KCNH8: variants seen among roughly 807,000 people sequenced by gnomAD.
KCNH8 encodes the protein voltage-gated delayed rectifier potassium channel KCNH8.
Under a neutral mutation model 103.6 loss-of-function variants are expected in KCNH8, and 70 were observed. The ratio of observed to expected loss-of-function variants is 0.68; its 90% CI spans 0.56 to 0.82. The LOEUF (loss-of-function observed/expected upper bound fraction) is 0.82. Ranked by LOEUF, KCNH8 falls within the 40% of genes least tolerant of loss-of-function variation. The probability of loss-of-function intolerance (pLI) is 0.00; values close to 1 mark genes in which losing one functional copy is unlikely to be tolerated. For missense variants in KCNH8, 1,217 were observed against 1,329.9 expected, an observed-to-expected ratio of 0.92 and a Z score of 1.32; for synonymous variants, 498 against 489.4, an observed-to-expected ratio of 1.02 and a Z score of -0.23.
chr3:19,213,747 T>G (rs1383732937), intron 1 of KCNH8, among the ~76,000 whole-genome samples: 2 of 152,204 alleles, frequency 1.3e-5, no homozygotes, highest in African/African-American at 4.8e-5. Context: ...GAGAGCATAA[T>G]GTTAATCGTT....
intron 8 of KCNH8, among the ~76,000 whole-genome samples, chr3:19,439,843 G>A (rs2067255040): frequency 1.3e-5 from 2 of 151,894 alleles, no homozygotes; most frequent in Admixed American, 6.6e-5. Flanking sequence ...GAGAAAAAAG[G>A]GAATAGATAT....
chr3:19,526,694 T>C (rs2069070831), intron 15 of KCNH8, among the ~76,000 whole-genome samples: 1 of 151,976 alleles, frequency 6.6e-6, no homozygotes, highest in Non-Finnish European at 1.5e-5. Context: ...AAAGCTCCCA[T>C]TTTGAAGTGC....
At chr3:19,190,296 C>G (rs149981301) in intron 1 of KCNH8, among the ~76,000 whole-genome samples, 1 of 151,974 alleles carries the variant, frequency 6.6e-6, no homozygotes, top group East Asian at 1.9e-4. Flanking sequence ...TTCTTGATAA[C>G]AAATCAGCTT....
At chr3:19,277,828 C>T (rs1336355342) in intron 2 of KCNH8, among the ~76,000 whole-genome samples, 2 of 152,116 alleles carry the variant, frequency 1.3e-5, no homozygotes, top group Admixed American at 1.3e-4. Flanking sequence ...TAACCTAAAT[C>T]CTGTCAGAGC....
At chr3:19,170,737 T>C (rs538843126) in intron 1 of KCNH8, among the ~76,000 whole-genome samples, 1 of 138,040 alleles carries the variant, frequency 7.2e-6, no homozygotes, top group African/African-American at 2.7e-5. Flanking sequence ...TACACACACA[T>C]ATATATACAC....
At position 19,352,599 on chromosome 3, in the gene KCNH8, A is replaced by G. The variant is rs566489211; in HGVS notation, c.811+4634A>G. Among the ~76,000 whole-genome samples the G allele has an allele frequency of 2.8e-4, 43 of 152,344 alleles. No individual in the cohort carries two copies. The South Asian group carries it at 8.7e-3, about 31-fold the overall frequency. On this transcript the variant is annotated intron_variant, in intron 5 of 15. Coordinates refer to ENST00000328405, the MANE Select transcript of KCNH8 (RefSeq NM_144633.3). The stretch of plus-strand genomic sequence containing the variant: ...GAACCTCACTCAAAACCACTCGACT[A>G]CATGGAAACTGAACAATGTGCTCCT...
intron 8 of KCNH8, among the ~76,000 whole-genome samples, chr3:19,446,867 C>T (rs1314944605): frequency 1.3e-5 from 2 of 151,830 alleles, no homozygotes; most frequent in African/African-American, 4.8e-5. Flanking sequence ...AAGAAAAAGC[C>T]AGGCAGTTCT....
intron 7 of KCNH8, among the ~76,000 whole-genome samples, chr3:19,431,767 G>C (rs952270380): frequency 6.6e-6 from 1 of 151,316 alleles, no homozygotes; most frequent in Non-Finnish European, 1.5e-5. Context: ...ATTTCTTCTA[G>C]ATATTCTAGT....
chr3:19,451,382 C>A lies in KCNH8; in HGVS notation c.1803C>A (p.Asp601Glu), dbSNP rs1177205694. 2 of 1,613,552 alleles carry A rather than the reference C, an allele frequency of 1.2e-6. No individual in the cohort carries two copies. Among genetic ancestry groups the A allele is most frequent in the Admixed American group, 3.3e-5 (2 of 59,940 alleles). The change falls in exon 10 of 16, where the codon GAC (aspartate) becomes GAA (glutamate). Residue 601 changes from aspartate to glutamate, a missense_variant. By Grantham distance (45) the Asp-to-Glu change is conservative (BLOSUM62 2). Transcript: ENST00000328405. Reference protein sequence around the residue: ...VCSGSMEVLKDSMVLAILGKG... With the variant: ...VCSGSMEVLKESMVLAILGKG... Reference sequence around the variant, plus strand: ...CGGGCTCCATGGAAGTTCTTAAAGACAGCATGGTGCTGGCTATTCTTGGTA... The same window carrying A: ...CGGGCTCCATGGAAGTTCTTAAAGAAAGCATGGTGCTGGCTATTCTTGGTA...
chr3:19,458,134 T>C, intron 11 of KCNH8, among the ~76,000 whole-genome samples: 1 of 152,042 alleles, frequency 6.6e-6, no homozygotes, highest in East Asian at 1.9e-4. Flanking sequence ...CGTGTGTATG[T>C]TCACACATAC....
intron 7 of KCNH8, among the ~76,000 whole-genome samples, chr3:19,423,447 C>T (rs1053099774): frequency 1.3e-5 from 2 of 151,952 alleles, no homozygotes; most frequent in African/African-American, 4.8e-5. Context: ...TCCACCCTTC[C>T]CCCTGAGTCC....
chr3:19,526,516 T>C (rs1261283252), intron 15 of KCNH8, among the ~76,000 whole-genome samples: 4 of 151,992 alleles, frequency 2.6e-5, no homozygotes, highest in Non-Finnish European at 5.9e-5. Flanking sequence ...CTCATACTTC[T>C]GTTCCCAAAA....
intron 2 of KCNH8, among the ~76,000 whole-genome samples, chr3:19,257,767 CAT>C (rs899388198): frequency 5.9e-5 from 9 of 151,930 alleles, no homozygotes; most frequent in African/African-American, 2.2e-4. Flanking sequence ...TTAGGGTTAC[CAT>C]TATAAAGTAC....
chr3:19,513,033 G>A lies in KCNH8; in HGVS notation c.2143G>A (p.Glu715Lys), dbSNP rs2068810257. ...RLPSIVEDEEEEEEGEEEEAV... is the reference protein window; with the variant it reads ...RLPSIVEDEEKEEEGEEEEAV... ...CCCATCCATTGTGGAAGATGAGGAAGAGGAGGAGGAGGGGGAGGAAGAGGA... is the reference window on the plus strand; with the variant it reads ...CCCATCCATTGTGGAAGATGAGGAAAAGGAGGAGGAGGGGGAGGAAGAGGA... Residue 715 changes from glutamate to lysine, a missense_variant, in exon 13 of 16, where the codon GAG becomes AAG. Glu to Lys is a moderately conservative substitution (Grantham distance 56). This residue lies in a region of KCNH8 where 558 missense variants were observed against 495.8 expected (regional missense o/e 1.13). Transcript: ENST00000328405. The A allele has an allele frequency of 3.1e-6, 5 of 1,611,864 alleles. No homozygotes were observed. The African/African-American group carries it at 4.0e-5, about 13-fold the overall frequency.
At chr3:19,155,712 C>T (rs934459762) in intron 1 of KCNH8, among the ~76,000 whole-genome samples, 2 of 152,144 alleles carry the variant, frequency 1.3e-5, no homozygotes, top group Non-Finnish European at 2.9e-5. Context: ...GCTTTTTGTT[C>T]AAGATCCATC....
chr3:19,170,639 T>C (rs930046610), intron 1 of KCNH8, among the ~76,000 whole-genome samples: 8 of 138,628 alleles, frequency 5.8e-5, no homozygotes, highest in Non-Finnish European at 1.1e-4. Context: ...TATACACACA[T>C]ATATATACAC....
chr3:19,435,051 C>A (rs2067177870), intron 7 of KCNH8, among the ~76,000 whole-genome samples: 1 of 151,990 alleles, frequency 6.6e-6, no homozygotes, highest in Non-Finnish European at 1.5e-5. Flanking sequence ...CACACACACA[C>A]ACAAAAAGAC....
At chr3:19,503,339 C>T (rs1469475453) in intron 11 of KCNH8, among the ~76,000 whole-genome samples, 1 of 152,130 alleles carries the variant, frequency 6.6e-6, no homozygotes, top group Admixed American at 6.6e-5. Context: ...GGGACTGCAA[C>T]CTAGTTCAAC....
At chr3:19,384,486 A>C (rs769143830) in intron 5 of KCNH8, among the ~76,000 whole-genome samples, 16 of 152,222 alleles carry the variant, frequency 1.1e-4, no homozygotes, top group Non-Finnish European at 2.1e-4. Context: ...TATGAAAAAC[A>C]ATAACATTTG....
Sources: gnomAD v4.1 joint callset for allele counts (sites outside exome capture counted in the v4.1 genomes callset) on GRCh38, gnomAD v4.1.1 for gene constraint, gnomAD v4.1.1 regional missense constraint, MANE v1.5 for transcripts, NCBI Gene and HGNC (gene_info 2026-07-23, HGNC 2026-07-21) for gene names.